The following SH3D19 variants were observed in gnomAD, a reference collection of about 807,000 sequenced individuals.
SH3D19 encodes the protein SH3 domain-containing protein 19.
Under a neutral mutation model 112.1 loss-of-function variants are expected in SH3D19, and 58 were observed. The observed-to-expected ratio is 0.52, with a 90% CI of 0.42 to 0.64. SH3D19 has a LOEUF of 0.64. Among genes scored for constraint, SH3D19 ranks in the 30% least tolerant of loss-of-function variants. The pLI, the probability that SH3D19 is intolerant of heterozygous loss-of-function variation, is 0.00. For missense variants in SH3D19, 1,090 were observed against 1,263.4 expected, an observed-to-expected ratio of 0.86 and a Z score of 2.08; for synonymous variants, 391 against 448.5, an observed-to-expected ratio of 0.87 and a Z score of 1.62.
chr4:151,296,540 CTT>C (rs1008890545), intron 1 of SH3D19, among the ~76,000 whole-genome samples: 8 of 152,088 alleles, frequency 5.3e-5, no homozygotes, highest in African/African-American at 1.9e-4. Flanking sequence ...ACAAAACAAA[CTT>C]ATTATTTACT....
In SH3D19 at chr4:151,167,573, C is replaced by A. The variant is rs187184143; in HGVS notation, c.1535-1877G>T. 1.1e-3 allele frequency among the ~76,000 whole-genome samples: 160 copies of A among 152,270 alleles called. 2 individuals carry two copies. Among genetic ancestry groups the A allele is most frequent in the African/African-American group, 3.6e-3 (150 of 41,554 alleles). On this transcript the variant is annotated intron_variant, in intron 7 of 19. Transcript: ENST00000604030. The stretch of plus-strand genomic sequence containing the variant: ...TATCAATTTCTTAGCACTTTTATAT[C>A]AATTTCTTTGTAGCAGTTTTGTTCA...
At chr4:151,182,999 T>C (rs1254460161) in intron 3 of SH3D19, among the ~76,000 whole-genome samples, 2 of 150,754 alleles carry the variant, frequency 1.3e-5, no homozygotes, top group Admixed American at 6.6e-5. Context: ...TTTCTTTTTT[T>C]TTTTCTTTTT....
chr4:151,263,459 T>C (rs928817039), intron 1 of SH3D19, among the ~76,000 whole-genome samples: 2 of 152,226 alleles, frequency 1.3e-5, no homozygotes, highest in African/African-American at 4.8e-5. Context: ...CCCGGCAGTA[T>C]ATTAGTTATC....
chr4:151,125,845 C>CAA (rs66688611), intron 19 of SH3D19, among the ~76,000 whole-genome samples: 98 of 94,192 alleles, frequency 1.0e-3, no homozygotes, highest in East Asian at 2.6e-3. Context: ...ATCTCAAAAA[C>CAA]AAAAAAAAAA....
At chr4:151,315,780 C>A (rs981556965) in intron 1 of SH3D19, among the ~76,000 whole-genome samples, 2 of 151,792 alleles carry the variant, frequency 1.3e-5, no homozygotes, top group Admixed American at 6.6e-5. Context: ...AGCAAGACCC[C>A]ATTTCTACAA....
At chr4:151,294,071 T>C (rs1775539241) in intron 1 of SH3D19, among the ~76,000 whole-genome samples, 1 of 152,246 alleles carries the variant, frequency 6.6e-6, no homozygotes, top group African/African-American at 2.4e-5. Flanking sequence ...AACATAGCTA[T>C]AATTGAACAT....
At chr4:151,298,181 A>ATTTTTTTTTT (rs386401883) in intron 1 of SH3D19, among the ~76,000 whole-genome samples, 10 of 94,890 alleles carry the variant, frequency 1.1e-4, no homozygotes, top group Admixed American at 1.3e-4. Flanking sequence ...AGAATAATAA[A>ATTTTTTTTTT]TTTTTTTTTT....
chr4:151,205,012 G>C (rs1764900058), intron 2 of SH3D19, among the ~76,000 whole-genome samples: 1 of 151,970 alleles, frequency 6.6e-6, no homozygotes, highest in African/African-American at 2.4e-5. Context: ...ATAGAGACAG[G>C]GTTTCACCAT....
intron 1 of SH3D19, among the ~76,000 whole-genome samples, chr4:151,309,158 C>T (rs533159519): frequency 7.2e-5 from 11 of 152,340 alleles, no homozygotes; most frequent in Admixed American, 2.6e-4. Flanking sequence ...CGTGAGCCAC[C>T]GGGCCCAGAG....
intron 2 of SH3D19, among the ~76,000 whole-genome samples, chr4:151,209,372 G>C (rs1032619904): frequency 6.6e-6 from 1 of 151,706 alleles, no homozygotes; most frequent in Admixed American, 6.6e-5. Context: ...TCTGCCTCCT[G>C]AGTTCAAGCA....
At chr4:151,161,203 G>C (rs1221936582) in intron 8 of SH3D19, among the ~76,000 whole-genome samples, 3 of 152,076 alleles carry the variant, frequency 2.0e-5, no homozygotes, top group Non-Finnish European at 2.9e-5. Context: ...GATTGGTGAG[G>C]GAGGGAGCCT....
intron 2 of SH3D19, among the ~76,000 whole-genome samples, chr4:151,210,115 T>G (rs1765721019): frequency 1.3e-5 from 2 of 152,144 alleles, no homozygotes; most frequent in African/African-American, 4.8e-5. Flanking sequence ...TGAAGATAAT[T>G]TGGTAGTATA....
In SH3D19 at chr4:151,216,304, G is replaced by A. The variant is rs553431078; in HGVS notation, c.152+9743C>T. Among the ~76,000 whole-genome samples the A allele has an allele frequency of 6.6e-5, 10 of 152,310 alleles. No homozygotes were observed. The East Asian group carries it at 1.9e-3, about 29-fold the overall frequency. On this transcript the variant is annotated intron_variant, in intron 2 of 19. Transcript: ENST00000604030. ...GTCCTAATCAATACATTTGAAGAAT[G>A]TGATGTATGCTGTGTTCAATAAGGG...
At chr4:151,274,455 T>C (rs1258994779) in intron 1 of SH3D19, among the ~76,000 whole-genome samples, 1 of 152,182 alleles carries the variant, frequency 6.6e-6, no homozygotes, top group Non-Finnish European at 1.5e-5. Flanking sequence ...CATGAACCTA[T>C]ATCCTGGTTA....
At chr4:151,144,394 C>T in intron 11 of SH3D19, 2 of 976,440 alleles carry the variant, frequency 2.0e-6, no homozygotes, top group South Asian at 1.3e-5. Context: ...GCACCTTCTC[C>T]AGCAGCTAAA....
chr4:151,230,152 A>T (rs1769493709), intron 1 of SH3D19, among the ~76,000 whole-genome samples: 1 of 152,176 alleles, frequency 6.6e-6, no homozygotes, highest in Admixed American at 6.5e-5. Flanking sequence ...TGTAATCTAG[A>T]CATATGATTC....
chr4:151,254,364 C>T (rs925269614), intron 1 of SH3D19, among the ~76,000 whole-genome samples: 3 of 148,294 alleles, frequency 2.0e-5, no homozygotes. Flanking sequence ...GGGTGTTTCT[C>T]ACAGAGGGGG....
chr4:151,198,659 A>T (rs1763935622), intron 2 of SH3D19, among the ~76,000 whole-genome samples: 2 of 151,638 alleles, frequency 1.3e-5, no homozygotes. Flanking sequence ...ACACTCAATC[A>T]ATGGTTGAGA....
intron 1 of SH3D19, among the ~76,000 whole-genome samples, chr4:151,303,128 T>C (rs1023262069): frequency 2.6e-5 from 4 of 152,230 alleles, no homozygotes; most frequent in South Asian, 4.1e-4. Flanking sequence ...CAGGGAATGC[T>C]AAAGATAGGT....
Sources: gnomAD v4.1 joint callset for allele counts (sites outside exome capture counted in the v4.1 genomes callset) on GRCh38, gnomAD v4.1.1 for gene constraint, MANE v1.5 for transcripts, NCBI Gene and HGNC (gene_info 2026-07-23, HGNC 2026-07-21) for gene names.